The following CHEK1 variants were observed in gnomAD, a reference collection of about 807,000 sequenced individuals.
CHEK1 encodes the protein checkpoint kinase 1.
CHEK1 carries 32 observed loss-of-function variants against 60.2 expected under a neutral mutation model. The ratio of observed to expected loss-of-function variants is 0.53; its 90% CI spans 0.40 to 0.71. The LOEUF (loss-of-function observed/expected upper bound fraction) is 0.71. Ranked by LOEUF, CHEK1 falls within the 30% of genes least tolerant of loss-of-function variation. CHEK1 has a pLI of 0.00. For missense variants in CHEK1, 399 were observed against 564.6 expected (o/e 0.71, Z 2.97); for synonymous variants, 179 against 187.2 (o/e 0.96, Z 0.36).
chr11:125,649,725 C>G (rs1941637059), intron 11 of CHEK1: 1 of 148,894 alleles, frequency 6.7e-6, no homozygotes, highest in Non-Finnish European at 1.4e-5. Context: ...CAGAGCAAGA[C>G]TGTCTCAAAA....
rs117783447 is a variant in CHEK1 at position 125,641,136 on chromosome 11, A to C, written c.815-2656A>C. Among the ~76,000 whole-genome samples the C allele has an allele frequency of 4.0e-3, 604 of 152,290 alleles. 6 individuals carry two copies. Among genetic ancestry groups the C allele is most frequent in the South Asian group, 0.013 (61 of 4,826 alleles). On this transcript the variant is annotated intron_variant, in intron 8 of 12. Transcript: ENST00000438015. ...GTACCATTTGTACTTTCAGGCATCCACTTGAACATATCCCTCTGTGGATAA... is the reference window on the plus strand; with the variant it reads ...GTACCATTTGTACTTTCAGGCATCCCCTTGAACATATCCCTCTGTGGATAA...
Position 125,625,415 on chromosome 11 carries a change from C to T in CHEK1, c.-618C>T. 1 of 287,406 alleles carries T rather than the reference C, an allele frequency of 3.5e-6. No individual in the cohort carries two copies. Among genetic ancestry groups the T allele is most frequent in the Non-Finnish European group, 6.6e-6 (1 of 152,334 alleles). The allele number at this position is 287,406 out of a possible 1,614,324, so 17.8% of individuals were successfully genotyped here. A position where few individuals can be genotyped will look rare whatever the true frequency, so the allele number is the denominator to read the frequency against. On this transcript the variant is annotated 5_prime_UTR_variant, in exon 1 of 13. Transcript: ENST00000438015. Reference sequence around the variant, plus strand: ...TTCTTTCGAAGCCTCTCGCTCCCAACACGGAGTTCCTCCCATTTCTTCACA... The same window carrying T: ...TTCTTTCGAAGCCTCTCGCTCCCAATACGGAGTTCCTCCCATTTCTTCACA...
chr11:125,627,515 G>C, intron 2 of CHEK1, 92 bp from the exon 3 acceptor site: 1 of 1,002,164 alleles, frequency 1.0e-6, no homozygotes. Flanking sequence ...AAAAGTAATA[G>C]AGGTAAAATC....
chr11:125,637,398 G>C (rs984953617), intron 7 of CHEK1, 51 bp from the exon 8 acceptor site: 4 of 1,464,030 alleles, frequency 2.7e-6, no homozygotes, highest in Admixed American at 3.8e-5. Context: ...CAAGCCATAG[G>C]CTTCTCTAAC....
chr11:125,629,318 C>A (rs201903974), intron 4 of CHEK1, 22 bp downstream of exon 4: 1 of 1,613,650 alleles, frequency 6.2e-7, no homozygotes, highest in Admixed American at 1.7e-5. Flanking sequence ...TGTCTATTTC[C>A]CTTTTACTTA....
At chr11:125,627,981 T>C in intron 3 of CHEK1, 151 bp downstream of exon 3, 4 of 588,950 alleles carry the variant, frequency 6.8e-6, no homozygotes, top group Non-Finnish European at 1.1e-5. Flanking sequence ...TTCCACCTGG[T>C]GTTAATAACA....
Position 125,632,165 on chromosome 11 carries a change from T to C in CHEK1, c.425-998T>C, listed in dbSNP as rs373314704. ...TTACACACTATTTCATGTTAGTATG[T>C]ATAGATATACCTTGTTGATTGTTTT... On this transcript the variant is annotated intron_variant, in intron 5 of 12. Transcript: ENST00000438015. 2.1e-4 allele frequency among the ~76,000 whole-genome samples: 32 copies of C among 152,328 alleles called. No individual in the cohort carries two copies. In the East Asian group the frequency reaches 4.6e-3, roughly 22 times the overall value.
chr11:125,626,666 G>A, intron 1 of CHEK1, 83 bp from the exon 2 acceptor site: 1 of 1,246,888 alleles, frequency 8.0e-7, no homozygotes, highest in Non-Finnish European at 1.2e-6. Flanking sequence ...ATTTTCGTGG[G>A]CAATCCTGGG....
At chr11:125,665,553 G>T (rs1020714034) in intron 13 of CHEK1, among the ~76,000 whole-genome samples, 1 of 152,148 alleles carries the variant, frequency 6.6e-6, no homozygotes, top group African/African-American at 2.4e-5. Flanking sequence ...GGGTAGAATT[G>T]ATATTAGTTG....
At position 125,643,743 on chromosome 11, in the gene CHEK1, A is replaced by C. The variant is rs935576649; in HGVS notation, c.815-49A>C. On this transcript the variant is annotated intron_variant, in intron 8 of 12. Transcript: ENST00000438015. Reference sequence around the variant, plus strand: ...TTGCCAGTTGGGTTAATTTAAAAACATACTTGCATAGAAGACTTGAAAGCA... The same window carrying C: ...TTGCCAGTTGGGTTAATTTAAAAACCTACTTGCATAGAAGACTTGAAAGCA... 5 of 1,439,608 alleles carry C rather than the reference A, an allele frequency of 3.5e-6. No homozygotes were observed. The South Asian group carries it at 3.8e-5, about 11-fold the overall frequency. 89.2% of individuals were successfully genotyped at this position (1,439,608 alleles called of 1,614,324 possible).
At chr11:125,672,448 G>A in intron 13 of CHEK1, 1 of 879,428 alleles carries the variant, frequency 1.1e-6, no homozygotes, top group East Asian at 2.5e-5. Context: ...GAAGAAGAAA[G>A]ATAGGATGTT....
intron 11 of CHEK1, among the ~76,000 whole-genome samples, chr11:125,651,318 C>T (rs1054005083): frequency 7.1e-6 from 1 of 140,880 alleles, no homozygotes; most frequent in Non-Finnish European, 1.5e-5. Context: ...GATGGAGTCT[C>T]GCACTGTTGC....
At chr11:125,675,175 G>T (rs769128996) in intron 13 of CHEK1, among the ~76,000 whole-genome samples, 1 of 152,172 alleles carries the variant, frequency 6.6e-6, no homozygotes, top group African/African-American at 2.4e-5. Context: ...TGATTGTAAT[G>T]TACAAACAAG....
At chr11:125,644,698 G>T in intron 11 of CHEK1, 55 bp downstream of exon 11, 1 of 1,568,724 alleles carries the variant, frequency 6.4e-7, no homozygotes, top group Non-Finnish European at 8.7e-7. Flanking sequence ...TTAAATATTT[G>T]AGTAAAAGCT....
chr11:125,672,329 C>A, intron 13 of CHEK1: 1 of 378,194 alleles, frequency 2.6e-6, no homozygotes, highest in Non-Finnish European at 4.7e-6. Flanking sequence ...TGTCTTGAGC[C>A]TGTGTGCTTT....
At chr11:125,661,788 T>C (rs1363096948), downstream of CHEK1, among the ~76,000 whole-genome samples, 1 of 152,212 alleles carries the variant, frequency 6.6e-6, no homozygotes, top group African/African-American at 2.4e-5. Flanking sequence ...TTATAATTTA[T>C]ATACAATTGT....
downstream of CHEK1, among the ~76,000 whole-genome samples, chr11:125,680,065 C>T (rs1478719049): frequency 6.6e-6 from 1 of 152,240 alleles, no homozygotes; most frequent in Non-Finnish European, 1.5e-5. Context: ...TGTGTATCTA[C>T]ATTTTTGAGT....
chr11:125,677,699 C>CT, downstream of CHEK1: 1 of 1,498,284 alleles, frequency 6.7e-7, no homozygotes, highest in Non-Finnish European at 9.1e-7. Context: ...GTTAACAATT[C>CT]TTTCTTCTGC....
intron 13 of CHEK1, among the ~76,000 whole-genome samples, chr11:125,667,637 T>C (rs1192848026): frequency 2.6e-5 from 4 of 152,320 alleles, no homozygotes; most frequent in African/African-American, 9.6e-5. Flanking sequence ...TTTTTTGTTT[T>C]TGAGACAGAG....
Sources: gnomAD v4.1 joint callset for allele counts (sites outside exome capture counted in the v4.1 genomes callset) on GRCh38, gnomAD v4.1.1 for gene constraint, MANE v1.5 for transcripts, NCBI Gene and HGNC (gene_info 2026-07-23, HGNC 2026-07-21) for gene names.